Variants in BABAM2 observed in about 807,000 individuals in gnomAD.
BABAM2 encodes the protein BRISC and BRCA1-A complex member 2.
BABAM2 carries 31 observed loss-of-function variants against 54.7 expected under a neutral mutation model. That is an observed-to-expected ratio of 0.57 (90% CI 0.43 to 0.77). The LOEUF (loss-of-function observed/expected upper bound fraction) is 0.77. Ranked by LOEUF, BABAM2 falls within the 30% of genes least tolerant of loss-of-function variation. The pLI, the probability that BABAM2 is intolerant of heterozygous loss-of-function variation, is 0.00. For missense variants in BABAM2, 364 were observed against 455.8 expected (o/e 0.80, Z 1.83); for synonymous variants, 167 against 162.9 (o/e 1.03, Z -0.19).
At chr2:28,089,940 G>T (rs1666017267) in intron 6 of BABAM2, among the ~76,000 whole-genome samples, 1 of 151,698 alleles carries the variant, frequency 6.6e-6, no homozygotes, top group African/African-American at 2.4e-5. Context: ...TTTATAGAAA[G>T]ATTTAGGGAT....
chr2:28,142,865 G>A (rs1186009062), intron 7 of BABAM2, among the ~76,000 whole-genome samples: 1 of 151,980 alleles, frequency 6.6e-6, no homozygotes, highest in Non-Finnish European at 1.5e-5. Context: ...TATGGAGCAT[G>A]ATATTTTAAA....
chr2:27,993,976 C>T (rs1046642631), intron 4 of BABAM2, among the ~76,000 whole-genome samples: 2 of 152,186 alleles, frequency 1.3e-5, no homozygotes, highest in South Asian at 2.1e-4. Flanking sequence ...ACTTGAAAAA[C>T]GCTATCCCGA....
Position 28,175,283 on chromosome 2 carries a change from G to A in BABAM2, c.680+45903G>A, listed in dbSNP as rs943410479. On this transcript the variant is annotated intron_variant, in intron 7 of 11. Transcript: ENST00000379624. The stretch of plus-strand genomic sequence containing the variant: ...AGCACTTGCACACACCCTGAAGACA[G>A]GCTTTGCCTGCTTATAACTACCACT... Among the ~76,000 whole-genome samples, 7 of 152,154 alleles carry A rather than the reference G, an allele frequency of 4.6e-5. No individual in the cohort carries two copies. The South Asian group carries it at 1.2e-3, about 27-fold the overall frequency.
chr2:28,059,076 C>T (rs1235850512), intron 6 of BABAM2, among the ~76,000 whole-genome samples: 1 of 152,172 alleles, frequency 6.6e-6, no homozygotes, highest in Admixed American at 6.5e-5. Context: ...GTTTTACAAT[C>T]ATTGTCACCC....
At chr2:28,064,554 G>A (rs1679149774) in intron 6 of BABAM2, among the ~76,000 whole-genome samples, 2 of 152,146 alleles carry the variant, frequency 1.3e-5, no homozygotes, top group South Asian at 4.1e-4. Context: ...TCATTTTTCA[G>A]AATCAGCCTT....
intron 7 of BABAM2, among the ~76,000 whole-genome samples, chr2:28,147,477 C>T (rs1671597225): frequency 1.4e-5 from 2 of 142,896 alleles, no homozygotes; most frequent in African/African-American, 5.1e-5. Context: ...TTAGGAAAAT[C>T]TTTTTTTTTT....
At chr2:28,331,398 A>C (rs1488673818) in intron 11 of BABAM2, among the ~76,000 whole-genome samples, 1 of 152,236 alleles carries the variant, frequency 6.6e-6, no homozygotes, top group African/African-American at 2.4e-5. Context: ...ACACAATGGG[A>C]GAAAAATTTT....
rs1026371175 is a variant in BABAM2 at position 27,890,806 on chromosome 2, C to G, written c.-61C>G. The G allele has an allele frequency of 1.3e-5, 2 of 152,588 alleles. No homozygotes were observed. The highest frequency in any genetic ancestry group is 1.9e-4 in the East Asian group (1 of 5,162). The allele number at this position is 152,588 out of a possible 1,614,324, so 9.5% of individuals were successfully genotyped here. A position where few individuals can be genotyped will look rare whatever the true frequency, so the allele number is the denominator to read the frequency against. On this transcript the variant is annotated 5_prime_UTR_variant, in exon 1 of 12. Coordinates refer to ENST00000379624, the MANE Select transcript of BABAM2 (RefSeq NM_199191.3). This position sits in a 1 kb window ranked among gnomAD's most constrained non-coding sequence, Gnocchi z 4.8. ...GGGGCGCGCTCGGGTACCTGTACCC[C>G]ACGTAGTCGCCGGTTACCGATCGGA...
chr2:28,031,272 T>C lies in BABAM2; in HGVS notation c.495+5852T>C, dbSNP rs567589311. ...CCACCTAAAAGTTTGGGTATAACTC[T>C]TACCAGCCTCAGGTGTTTCGTGGAA... On this transcript the variant is annotated intron_variant, in intron 5 of 11. Transcript: ENST00000379624. Among the ~76,000 whole-genome samples, 4 of 152,316 alleles carry C rather than the reference T, an allele frequency of 2.6e-5. No homozygotes were observed. In the South Asian group the frequency reaches 8.3e-4, roughly 32 times the overall value.
In BABAM2 at chr2:28,031,457, G is replaced by A. The variant is rs192907206; in HGVS notation, c.495+6037G>A. Among the ~76,000 whole-genome samples, 383 of 152,212 alleles carry A rather than the reference G, an allele frequency of 2.5e-3. 1 individual carries two copies. The highest frequency in any genetic ancestry group is 8.7e-3 in the African/African-American group (363 of 41,524). ...AATCAACATTAAAAATTATTTTTGT[G>A]TGCTGGAATGCTGCACCAAACTAAC... On this transcript the variant is annotated intron_variant, in intron 5 of 11. Transcript: ENST00000379624.
intron 10 of BABAM2, among the ~76,000 whole-genome samples, chr2:28,271,735 A>G (rs1558489732): frequency 6.6e-6 from 1 of 152,260 alleles, no homozygotes; most frequent in African/African-American, 2.4e-5. Context: ...ACAATATGGT[A>G]CAATACAGAA....
At chr2:28,226,338 A>G (rs1288987379) in intron 7 of BABAM2, among the ~76,000 whole-genome samples, 1 of 152,206 alleles carries the variant, frequency 6.6e-6, no homozygotes, top group Non-Finnish European at 1.5e-5. Context: ...AAAGATATAT[A>G]CATTTATTGG....
chr2:28,115,182 A>AACACAC (rs35506654), intron 6 of BABAM2, among the ~76,000 whole-genome samples: 1,800 of 142,304 alleles, frequency 0.013, 15 homozygotes, highest in Non-Finnish European at 0.015. Flanking sequence ...ATAACTTTAA[A>AACACAC]ACACACACAC....
intron 10 of BABAM2, among the ~76,000 whole-genome samples, chr2:28,255,288 T>A (rs1243555042): frequency 6.6e-6 from 1 of 152,130 alleles, no homozygotes; most frequent in Non-Finnish European, 1.5e-5. Flanking sequence ...TCCGTCTTTT[T>A]TTTAAGATGG....
At chr2:28,106,720 G>C (rs1488160419) in intron 6 of BABAM2, among the ~76,000 whole-genome samples, 1 of 152,122 alleles carries the variant, frequency 6.6e-6, no homozygotes, top group Non-Finnish European at 1.5e-5. Context: ...GGTTTCCACT[G>C]TAAAGTTACT....
chr2:28,001,736 G>A (rs1204682876), intron 4 of BABAM2, among the ~76,000 whole-genome samples: 4 of 152,096 alleles, frequency 2.6e-5, no homozygotes, highest in Non-Finnish European at 5.9e-5. Context: ...CACATGGTGA[G>A]AGCAGGAGCA....
At chr2:27,988,938 A>T (rs1672587237) in intron 4 of BABAM2, among the ~76,000 whole-genome samples, 1 of 152,118 alleles carries the variant, frequency 6.6e-6, no homozygotes, top group Non-Finnish European at 1.5e-5. Flanking sequence ...AGTTTTGATG[A>T]CTTACTTTGA....
intron 6 of BABAM2, among the ~76,000 whole-genome samples, chr2:28,093,353 C>T (rs1433257211): frequency 6.6e-6 from 1 of 152,178 alleles, no homozygotes; most frequent in Non-Finnish European, 1.5e-5. Flanking sequence ...CTCAGAGTGT[C>T]ATAGCTAGTA....
intron 11 of BABAM2, among the ~76,000 whole-genome samples, chr2:28,326,662 G>T (rs77324966): frequency 0.013 from 1,978 of 152,184 alleles, 22 homozygotes; most frequent in African/African-American, 0.045. Flanking sequence ...CTAGCTCTGG[G>T]GCCTCAGGTC....
Sources: gnomAD v4.1 joint callset for allele counts (sites outside exome capture counted in the v4.1 genomes callset) on GRCh38, gnomAD v4.1.1 for gene constraint, Gnocchi (gnomAD v3.1) non-coding constraint, MANE v1.5 for transcripts, NCBI Gene and HGNC (gene_info 2026-07-23, HGNC 2026-07-21) for gene names.